ACP3: variants seen among roughly 807,000 people sequenced by gnomAD.
ACP3 encodes prostatic acid phosphatase.
ACP3 carries 38 observed loss-of-function variants against 45.6 expected under a neutral mutation model. The ratio of observed to expected loss-of-function variants is 0.83; its 90% CI spans 0.64 to 1.09. ACP3 has a LOEUF of 1.09. Among genes scored for constraint, ACP3 ranks in the 50% least tolerant of loss-of-function variants. The probability of loss-of-function intolerance (pLI) is 0.00; values close to 1 mark genes in which losing one functional copy is unlikely to be tolerated. For missense variants in ACP3, 466 were observed against 463.2 expected (o/e 1.01, Z -0.05); for synonymous variants, 162 against 164.7 (o/e 0.98, Z 0.13).
At chr3:132,333,337 G>A (rs1382099008) in intron 4 of ACP3, 2 of 152,636 alleles carry the variant, frequency 1.3e-5, no homozygotes, top group Admixed American at 6.5e-5. Context: ...TAATCTTCCA[G>A]GTGTGAAACT....
chr3:132,328,256 T>C lies in ACP3; in HGVS notation c.121-11T>C, dbSNP rs752020438. 23 of 1,609,884 alleles carry C rather than the reference T, an allele frequency of 1.4e-5. No individual in the cohort carries two copies. Among genetic ancestry groups the C allele is most frequent in the Non-Finnish European group, 1.8e-5 (21 of 1,176,788 alleles). On this transcript the variant is annotated splice_polypyrimidine_tract_variant and intron_variant, in intron 1 of 9. Coordinates refer to ENST00000336375, the MANE Select transcript of ACP3 (RefSeq NM_001099.5). The stretch of plus-strand genomic sequence containing the variant: ...ACGTTTGTAACATCACTCTCTCACA[T>C]CTACTTTCAGGTGTTTCGGCATGGA...
intron 5 of ACP3, among the ~76,000 whole-genome samples, chr3:132,339,947 C>A (rs1937533843): frequency 6.6e-6 from 1 of 152,160 alleles, no homozygotes; most frequent in Non-Finnish European, 1.5e-5. Context: ...ATCAATCAAT[C>A]ATTAGCATGC....
chr3:132,356,552 A>T, intron 9 of ACP3, 134 bp from the exon 10 acceptor site: 1 of 1,530,882 alleles, frequency 6.5e-7, no homozygotes, highest in Non-Finnish European at 8.8e-7. Context: ...ACACACCTAA[A>T]TTGGCTAAAA....
chr3:132,354,934 T>C (rs948055391), intron 9 of ACP3, among the ~76,000 whole-genome samples: 2 of 152,262 alleles, frequency 1.3e-5, no homozygotes, highest in Admixed American at 6.5e-5. Context: ...TTCCCAGATA[T>C]ATTCACTAAT....
intron 7 of ACP3, among the ~76,000 whole-genome samples, chr3:132,347,443 A>C (rs1576422182): frequency 6.6e-6 from 1 of 151,892 alleles, no homozygotes; most frequent in African/African-American, 2.4e-5. Context: ...TTTTTTTGTT[A>C]GTTTGTTTTG....
chr3:132,357,192 A>G lies in ACP3; in HGVS notation c.*314A>G, dbSNP rs1937927158. The G allele has an allele frequency of 9.7e-7, 1 of 1,027,060 alleles. No homozygotes were observed. Among genetic ancestry groups the G allele is most frequent in the Non-Finnish European group, 1.2e-6 (1 of 856,938 alleles). The allele number at this position is 1,027,060 out of a possible 1,614,324, so 63.6% of individuals were successfully genotyped here. A position where few individuals can be genotyped will look rare whatever the true frequency, so the allele number is the denominator to read the frequency against. On this transcript the variant is annotated 3_prime_UTR_variant, in exon 10 of 10. Transcript: ENST00000336375. ...TCCCATGAACTATATGACTGGCCAC[A>G]CAGGATCTTTTGTATTTAAGGATTC... is the stretch of plus-strand genomic sequence containing the variant.
At chr3:132,319,611 C>G (rs1170243815) in intron 1 of ACP3, among the ~76,000 whole-genome samples, 1 of 152,216 alleles carries the variant, frequency 6.6e-6, no homozygotes, top group Non-Finnish European at 1.5e-5. Context: ...GGCAACCATT[C>G]TATAAAGTTT....
chr3:132,338,175 AT>A, intron 5 of ACP3, among the ~76,000 whole-genome samples: 1 of 151,708 alleles, frequency 6.6e-6, no homozygotes, highest in East Asian at 1.9e-4. Context: ...CAGTCTTCCA[AT>A]TTCCTTATGC....
chr3:132,337,824 T>C (rs1937514669), intron 5 of ACP3, among the ~76,000 whole-genome samples: 1 of 152,172 alleles, frequency 6.6e-6, no homozygotes, highest in African/African-American at 2.4e-5. Context: ...TGTGAGTAAA[T>C]GGCTGGATGA....
At chr3:132,345,292 T>C (rs1559838071) in intron 7 of ACP3, among the ~76,000 whole-genome samples, 1 of 152,236 alleles carries the variant, frequency 6.6e-6, no homozygotes, top group Non-Finnish European at 1.5e-5. Context: ...TGGTACATAA[T>C]ACACTGTCAA....
chr3:132,340,285 A>T (rs1937538255), intron 5 of ACP3, among the ~76,000 whole-genome samples: 1 of 150,516 alleles, frequency 6.6e-6, no homozygotes, highest in Admixed American at 6.7e-5. Flanking sequence ...ACTGCATTCC[A>T]GCCTGGGCAA....
intron 10 of ACP3, among the ~76,000 whole-genome samples, chr3:132,366,732 G>A (rs1938137992): frequency 1.3e-5 from 2 of 152,180 alleles, no homozygotes; most frequent in African/African-American, 2.4e-5. Context: ...AGATGTCAGA[G>A]CTGGAGATTT....
exon 11 of ACP3, chr3:132,367,771 C>A (rs776637373): frequency 6.2e-7 from 1 of 1,613,884 alleles, no homozygotes; most frequent in Non-Finnish European, 8.5e-7. Flanking sequence ...TACTGTTTAT[C>A]CACATTCGCC....
intron 5 of ACP3, among the ~76,000 whole-genome samples, chr3:132,341,666 A>C (rs1480354714): frequency 6.6e-6 from 1 of 152,228 alleles, no homozygotes; most frequent in Non-Finnish European, 1.5e-5. Context: ...CAGAACAGTT[A>C]AAATAGCATT....
chr3:132,358,233 A>G lies in ACP3; in HGVS notation c.*1355A>G. The G allele has an allele frequency of 9.0e-7, 1 of 1,115,514 alleles. No individual in the cohort carries two copies. Among genetic ancestry groups the G allele is most frequent in the Non-Finnish European group, 1.1e-6 (1 of 901,044 alleles). 69.1% of individuals were successfully genotyped at this position (1,115,514 alleles called of 1,614,324 possible). Reference sequence around the variant, plus strand: ...ATAGTGAGACACTGTCTCTACCAAAAAAAGGAAGGAAGGGACACATATCAA... The same window carrying G: ...ATAGTGAGACACTGTCTCTACCAAAGAAAGGAAGGAAGGGACACATATCAA... On this transcript the variant is annotated 3_prime_UTR_variant, in exon 10 of 10. Transcript: ENST00000336375.
At chr3:132,343,619 T>C (rs1242929164) in intron 6 of ACP3, among the ~76,000 whole-genome samples, 3 of 152,182 alleles carry the variant, frequency 2.0e-5, no homozygotes, top group African/African-American at 7.2e-5. Context: ...CTCTCACTTA[T>C]TTCCTCTGTA....
chr3:132,319,491 G>A (rs1576404531), intron 1 of ACP3, among the ~76,000 whole-genome samples: 1 of 152,170 alleles, frequency 6.6e-6, no homozygotes, highest in Non-Finnish European at 1.5e-5. Context: ...AAATAAGGTC[G>A]TTAAATAAAA....
At chr3:132,319,852 T>C (rs1009956104) in intron 1 of ACP3, among the ~76,000 whole-genome samples, 2 of 152,192 alleles carry the variant, frequency 1.3e-5, no homozygotes, top group African/African-American at 4.8e-5. Context: ...CTGGATTAGC[T>C]TGACTCTGAA....
chr3:132,329,960 G>T (rs557796976), intron 2 of ACP3, among the ~76,000 whole-genome samples: 1 of 124,116 alleles, frequency 8.1e-6, no homozygotes, highest in Non-Finnish European at 1.6e-5. Context: ...CTCTGTCCCC[G>T]CAGGCTGGAG....
Sources: gnomAD v4.1 joint callset for allele counts (sites outside exome capture counted in the v4.1 genomes callset) on GRCh38, gnomAD v4.1.1 for gene constraint, MANE v1.5 for transcripts, NCBI Gene and HGNC (gene_info 2026-07-23, HGNC 2026-07-21) for gene names.